The following GALNT11 variants were observed in gnomAD, a reference collection of about 807,000 sequenced individuals.
GALNT11 encodes the protein polypeptide N-acetylgalactosaminyltransferase 11.
Under a neutral mutation model 72.7 loss-of-function variants are expected in GALNT11, and 47 were observed. The observed-to-expected ratio is 0.65, with a 90% CI of 0.51 to 0.82. The LOEUF (loss-of-function observed/expected upper bound fraction) is 0.82, where lower values mean the gene tolerates loss of function less well. Ranked by LOEUF, GALNT11 falls within the 40% of genes least tolerant of loss-of-function variation. The pLI is 0.00. For missense variants in GALNT11, 677 were observed against 778.4 expected, an observed-to-expected ratio of 0.87 and a Z score of 1.55; for synonymous variants, 270 against 286.6, an observed-to-expected ratio of 0.94 and a Z score of 0.58.
intron 1 of GALNT11, among the ~76,000 whole-genome samples, chr7:152,061,246 G>A (rs1210468592): frequency 6.6e-6 from 1 of 152,230 alleles, no homozygotes; most frequent in Non-Finnish European, 1.5e-5. Flanking sequence ...ATTTTTTCAT[G>A]TGTCTATTGT....
At chr7:152,109,120 T>G (rs60463047) in intron 6 of GALNT11, among the ~76,000 whole-genome samples, 4,909 of 152,346 alleles carry the variant, frequency 0.032, 266 homozygotes, top group African/African-American at 0.11. Context: ...TATCTCCGCT[T>G]TATGTTACCC....
chr7:152,074,924 G>A (rs2084865136), intron 1 of GALNT11: 2 of 152,272 alleles, frequency 1.3e-5, no homozygotes, highest in South Asian at 4.2e-4. Flanking sequence ...TTAGGAGAAG[G>A]ATCTAGCAAA....
chr7:152,044,935 T>C (rs564020947), intron 1 of GALNT11, among the ~76,000 whole-genome samples: 38 of 152,200 alleles, frequency 2.5e-4, no homozygotes, highest in Middle Eastern at 3.4e-3. Context: ...TGTATATGGC[T>C]TTTATTCTAT....
intron 1 of GALNT11, among the ~76,000 whole-genome samples, chr7:152,042,829 CA>C: frequency 6.6e-6 from 1 of 152,280 alleles, no homozygotes; most frequent in East Asian, 1.9e-4. Flanking sequence ...CTTCACAATG[CA>C]AAATATAACT....
chr7:152,109,357 C>T (rs563970264), intron 6 of GALNT11, among the ~76,000 whole-genome samples: 1 of 152,334 alleles, frequency 6.6e-6, no homozygotes, highest in East Asian at 1.9e-4. Flanking sequence ...TTCTGGCATT[C>T]ACCGTTTCAG....
intron 1 of GALNT11, among the ~76,000 whole-genome samples, chr7:152,069,997 C>CTTTTTTTTTTTTTTTTTT (rs879494057): frequency 7.0e-6 from 1 of 143,438 alleles, no homozygotes. Flanking sequence ...TTTTCTTTTT[C>CTTTTTTTTTTTTTTTTTT]TTTTTCTTTT....
At chr7:152,027,335 A>C (rs939359831) in intron 1 of GALNT11, among the ~76,000 whole-genome samples, 1 of 152,246 alleles carries the variant, frequency 6.6e-6, no homozygotes, top group Non-Finnish European at 1.5e-5. Context: ...CATAGAATGC[A>C]TAATCACATC....
chr7:152,035,566 G>A (rs372464675), intron 1 of GALNT11, among the ~76,000 whole-genome samples: 1 of 152,312 alleles, frequency 6.6e-6, no homozygotes, highest in South Asian at 2.1e-4. Context: ...CCTCGGCTCA[G>A]CCCGGAAGTA....
At chr7:152,087,941 T>TA (rs1219531172) in intron 1 of GALNT11, among the ~76,000 whole-genome samples, 2 of 152,256 alleles carry the variant, frequency 1.3e-5, no homozygotes. Flanking sequence ...GCATTACTGA[T>TA]ATATGGCAGA....
chr7:152,089,871 A>G (rs900171947), intron 1 of GALNT11, among the ~76,000 whole-genome samples: 1 of 152,188 alleles, frequency 6.6e-6, no homozygotes, highest in African/African-American at 2.4e-5. Context: ...GGAAACTTTG[A>G]AGAGGAACTT....
At chr7:152,033,115 C>G (rs10239041) in intron 1 of GALNT11, among the ~76,000 whole-genome samples, 13,214 of 152,204 alleles carry the variant, frequency 0.087, 1,111 homozygotes, top group African/African-American at 0.21. Context: ...ACCCTCAAGT[C>G]CTGTTGTTGG....
chr7:152,067,573 C>T (rs986168450), intron 1 of GALNT11, among the ~76,000 whole-genome samples: 3 of 152,022 alleles, frequency 2.0e-5, no homozygotes, highest in Non-Finnish European at 2.9e-5. Flanking sequence ...TTGATGTGCC[C>T]CCGACATTGT....
At position 152,121,604 on chromosome 7, in the gene GALNT11, T is replaced by C; in HGVS notation, c.1754T>C (p.Leu585Pro). ...VGQCLRAVDP[L>P]GQKGSVAMAI... ...CAGTGCCTGAGAGCAGTGGATCCCC[T>C]GGGTCAGAAGGGCTCTGTCGCCATG... The change falls in exon 12 of 12, where the codon CTG becomes CCG. Residue 585 changes from leucine (L) to proline (P), a missense_variant. Physicochemically the swap from Leu to Pro is moderately conservative, Grantham distance 98. Transcript: ENST00000430044. 1 of 1,614,204 alleles carries C rather than the reference T, an allele frequency of 6.2e-7. No homozygotes were observed. The highest frequency in any genetic ancestry group is 8.5e-7 in the Non-Finnish European group (1 of 1,180,026).
intron 1 of GALNT11, among the ~76,000 whole-genome samples, chr7:152,037,929 C>T (rs747493866): frequency 9.9e-5 from 15 of 151,966 alleles, no homozygotes; most frequent in South Asian, 6.2e-4. Context: ...CCACCACACC[C>T]GGCTAATTTT....
At chr7:152,029,354 G>A (rs1188413941) in intron 1 of GALNT11, among the ~76,000 whole-genome samples, 1 of 152,224 alleles carries the variant, frequency 6.6e-6, no homozygotes, top group African/African-American at 2.4e-5. Context: ...TCCAGTTCCT[G>A]TAGCAGTGGC....
intron 1 of GALNT11, among the ~76,000 whole-genome samples, chr7:152,055,648 A>G (rs1364371806): frequency 6.6e-6 from 1 of 151,676 alleles, no homozygotes; most frequent in Non-Finnish European, 1.5e-5. Context: ...TAAATTAAAT[A>G]TTTCTCAAAA....
At chr7:152,073,411 T>C (rs1383975886) in intron 1 of GALNT11, among the ~76,000 whole-genome samples, 2 of 152,250 alleles carry the variant, frequency 1.3e-5, no homozygotes, top group Non-Finnish European at 2.9e-5. Flanking sequence ...TGTTTAACTT[T>C]CTGTTCCTGG....
Position 152,094,331 on chromosome 7 carries a change from A to G in GALNT11, c.104A>G (p.Gln35Arg). Reference sequence around the variant, plus strand: ...TATTTCAACTTCAGTGAAGTGACTCAGCCACTTAAGAATGTGCCCGTCAAG... The same window carrying G: ...TATTTCAACTTCAGTGAAGTGACTCGGCCACTTAAGAATGTGCCCGTCAAG... ...FVYFNFSEVT[Q>R]PLKNVPVKGS... The change falls in exon 2 of 12, where the codon CAG becomes CGG. Residue 35 changes from glutamine to arginine, a missense_variant. By Grantham distance (43) the Gln-to-Arg change is conservative. Coordinates refer to ENST00000430044, the MANE Select transcript of GALNT11 (RefSeq NM_022087.4). This position sits in a 1 kb window ranked among gnomAD's most constrained non-coding sequence, Gnocchi z 4.3. 6.2e-7 allele frequency: 1 copy of G among 1,614,174 alleles called. No homozygotes were observed. The highest frequency in any genetic ancestry group is 8.5e-7 in the Non-Finnish European group (1 of 1,180,024).
At chr7:152,085,373 C>G (rs1167375878) in intron 1 of GALNT11, among the ~76,000 whole-genome samples, 1 of 152,144 alleles carries the variant, frequency 6.6e-6, no homozygotes, top group Non-Finnish European at 1.5e-5. Context: ...TGTCTAACTG[C>G]TGAAGTTTTG....
Sources: gnomAD v4.1 joint callset for allele counts (sites outside exome capture counted in the v4.1 genomes callset) on GRCh38, gnomAD v4.1.1 for gene constraint, Gnocchi (gnomAD v3.1) non-coding constraint, MANE v1.5 for transcripts, NCBI Gene and HGNC (gene_info 2026-07-23, HGNC 2026-07-21) for gene names.